M1AP: variants seen among roughly 807,000 people sequenced by gnomAD.
M1AP encodes the protein meiosis 1 associated protein.
In M1AP, 39 loss-of-function variants were observed where a neutral mutation model predicts 51.2. The ratio of observed to expected loss-of-function variants is 0.76; its 90% CI spans 0.59 to 1.00. The LOEUF is 1.00. M1AP is among the 50% of genes least tolerant of loss of function. The probability of loss-of-function intolerance (pLI) is 0.00; values close to 1 mark genes in which losing one functional copy is unlikely to be tolerated. For missense variants in M1AP, 545 were observed against 641.2 expected (o/e 0.85, Z 1.62); for synonymous variants, 251 against 249.2 (o/e 1.01, Z -0.07).
rs190175897 is a variant in M1AP at position 74,623,446 on chromosome 2, T to G, written c.241-8297A>C. Reference sequence around the variant, plus strand: ...TGAGCCCAGGAGGTGGAGGTTACAGTAAGCTGAGATTGTGCCACTGTACTC... The same window carrying G: ...TGAGCCCAGGAGGTGGAGGTTACAGGAAGCTGAGATTGTGCCACTGTACTC... On this transcript the variant is annotated intron_variant, in intron 2 of 10. Transcript: ENST00000421985. 1.3e-3 allele frequency among the ~76,000 whole-genome samples: 198 copies of G among 150,428 alleles called. 1 individual carries two copies. The highest frequency in any genetic ancestry group is 4.7e-3 in the African/African-American group (190 of 40,816).
chr2:74,628,466 CATG>C, intron 2 of M1AP: 1 of 420,306 alleles, frequency 2.4e-6, no homozygotes, highest in Non-Finnish European at 4.8e-6. Context: ...ACACCATACC[CATG>C]ATAACCACTG....
intron 8 of M1AP, among the ~76,000 whole-genome samples, chr2:74,561,091 A>AAGGAGAAGGAGGAGG (rs1677911655): frequency 3.1e-4 from 15 of 47,898 alleles, no homozygotes; most frequent in Non-Finnish European, 5.3e-4. Flanking sequence ...GGAGGAGGAG[A>AAGGAGAAGGAGGAGG]AGGAGAAGGA....
chr2:74,621,372 C>T (rs1014866807), intron 2 of M1AP, among the ~76,000 whole-genome samples: 2 of 152,078 alleles, frequency 1.3e-5, no homozygotes, highest in African/African-American at 4.8e-5. Context: ...CTGATCCAGC[C>T]GGGCCTCTGT....
chr2:74,599,901 G>A (rs893167074), intron 4 of M1AP, among the ~76,000 whole-genome samples: 3 of 151,374 alleles, frequency 2.0e-5, no homozygotes, highest in Non-Finnish European at 4.4e-5. Flanking sequence ...TGCGATCATA[G>A]CTTACTATAA....
intron 5 of M1AP, among the ~76,000 whole-genome samples, chr2:74,579,580 TG>T (rs1438641973): frequency 6.6e-6 from 1 of 152,054 alleles, no homozygotes; most frequent in Non-Finnish European, 1.5e-5. Flanking sequence ...ATATGGAAAA[TG>T]GGGGTAATAT....
At chr2:74,616,656 G>A (rs1006821751) in intron 2 of M1AP, among the ~76,000 whole-genome samples, 2 of 152,064 alleles carry the variant, frequency 1.3e-5, no homozygotes, top group Non-Finnish European at 2.9e-5. Context: ...AGTTTCCTAT[G>A]AGCATAGGCT....
chr2:74,615,279 C>G, intron 2 of M1AP, 130 bp from the exon 3 acceptor site: 2 of 779,430 alleles, frequency 2.6e-6, no homozygotes, highest in Non-Finnish European at 4.1e-6. Context: ...TGACCAACAT[C>G]TACTGAATTC....
intron 1 of M1AP, chr2:74,647,916 G>C: frequency 5.9e-6 from 4 of 674,690 alleles, no homozygotes; most frequent in Non-Finnish European, 7.3e-6. Context: ...AAAACCAGAA[G>C]AAAAAAAATT....
chr2:74,623,703 G>A (rs147159977), intron 2 of M1AP, among the ~76,000 whole-genome samples: 9 of 151,976 alleles, frequency 5.9e-5, no homozygotes, highest in Admixed American at 2.6e-4. Flanking sequence ...ACAGGGTCTC[G>A]CTCTGTCACC....
intron 7 of M1AP, among the ~76,000 whole-genome samples, chr2:74,573,212 A>G (rs1678856101): frequency 6.6e-6 from 1 of 151,846 alleles, no homozygotes; most frequent in African/African-American, 2.4e-5. Flanking sequence ...ACGCCCAGCT[A>G]ATTTTTTATT....
intron 2 of M1AP, among the ~76,000 whole-genome samples, chr2:74,621,537 G>T (rs1014919413): frequency 2.0e-5 from 3 of 151,306 alleles, no homozygotes; most frequent in African/African-American, 7.3e-5. Context: ...TGTAATCCTA[G>T]CACTTTGGGA....
chr2:74,608,827 T>C (rs1681160778), intron 3 of M1AP, among the ~76,000 whole-genome samples: 1 of 152,258 alleles, frequency 6.6e-6, no homozygotes, highest in Admixed American at 6.5e-5. Flanking sequence ...TGCATTTCCC[T>C]GATGACATAT....
intron 7 of M1AP, among the ~76,000 whole-genome samples, chr2:74,573,431 C>A (rs1678873008): frequency 6.6e-6 from 1 of 152,154 alleles, no homozygotes; most frequent in Non-Finnish European, 1.5e-5. Flanking sequence ...TGGCTCACTG[C>A]AACCTCTGCC....
intron 4 of M1AP, among the ~76,000 whole-genome samples, chr2:74,586,443 C>A (rs1045659272): frequency 1.3e-5 from 2 of 152,158 alleles, no homozygotes; most frequent in African/African-American, 4.8e-5. Flanking sequence ...CACATGACTT[C>A]CTTCCTTCCT....
At chr2:74,648,067 C>T (rs1322164231) in intron 1 of M1AP, 198 bp downstream of exon 1, 13 of 985,396 alleles carry the variant, frequency 1.3e-5, no homozygotes, top group Non-Finnish European at 1.6e-5. Context: ...CCGCCCAGAA[C>T]AGTATGCGGA....
At chr2:74,619,699 T>A (rs1363143876) in intron 2 of M1AP, among the ~76,000 whole-genome samples, 1 of 152,224 alleles carries the variant, frequency 6.6e-6, no homozygotes. Flanking sequence ...TCATTCACCG[T>A]TAACTAATCC....
chr2:74,575,589 G>A lies in M1AP; in HGVS notation c.933-10C>T, dbSNP rs764083330. 5.0e-6 allele frequency: 8 copies of A among 1,608,738 alleles called. No homozygotes were observed. In the Admixed American group the frequency reaches 1.2e-4, roughly 24 times the overall value. ...GCTAGATTTTAAAGCCCTAGGAAGA[G>A]ATAATTACAGTCAAAGACTCCTTAG... On this transcript the variant is annotated splice_polypyrimidine_tract_variant and intron_variant, in intron 6 of 10. Transcript: ENST00000421985.
intron 2 of M1AP, among the ~76,000 whole-genome samples, chr2:74,634,832 G>A (rs1682893224): frequency 6.6e-6 from 1 of 152,072 alleles, no homozygotes; most frequent in Non-Finnish European, 1.5e-5. Flanking sequence ...TTGCATCCCT[G>A]AAATAAGTTC....
At chr2:74,635,778 G>A (rs1682958363) in intron 2 of M1AP, among the ~76,000 whole-genome samples, 1 of 152,002 alleles carries the variant, frequency 6.6e-6, no homozygotes, top group Non-Finnish European at 1.5e-5. Flanking sequence ...CAAGTGTTTG[G>A]GGGAATTTTT....
Sources: allele counts gnomAD v4.1 joint callset (sites outside exome capture counted in the v4.1 genomes callset), GRCh38; gene constraint gnomAD v4.1.1; transcripts MANE v1.5; gene names NCBI Gene and HGNC (gene_info 2026-07-23, HGNC 2026-07-21).